The following THADA variants were observed in gnomAD, a reference collection of about 807,000 sequenced individuals.
THADA encodes tRNA (32-2'-O)-methyltransferase regulator THADA.
Under a neutral mutation model 219.8 loss-of-function variants are expected in THADA, and 213 were observed. That is an observed-to-expected ratio of 0.97 (90% confidence interval 0.87 to 1.09). The LOEUF is 1.09. THADA is among the 50% of genes least tolerant of loss of function. The pLI, the probability that THADA is intolerant of heterozygous loss-of-function variation, is 0.00. For synonymous variants in THADA, 1,018 were observed against 828.9 expected, an observed-to-expected ratio of 1.23 and a Z score of -3.92; for missense variants, 2,956 against 2,311.3, an observed-to-expected ratio of 1.28 and a Z score of -5.72.
chr2:43,412,522 T>A (rs981808112), intron 28 of THADA, among the ~76,000 whole-genome samples: 157 of 152,342 alleles, frequency 1.0e-3, no homozygotes, highest in African/African-American at 3.7e-3. Flanking sequence ...CTGGGTAAAC[T>A]GGTGGAATTT....
At chr2:43,467,984 T>C (rs771173220) in intron 26 of THADA, among the ~76,000 whole-genome samples, 7 of 152,244 alleles carry the variant, frequency 4.6e-5, no homozygotes, top group Non-Finnish European at 8.8e-5. Context: ...TTTGGTTTAT[T>C]GGTTAACTGT....
intron 25 of THADA, among the ~76,000 whole-genome samples, chr2:43,488,797 C>T (rs1000970846): frequency 7.2e-5 from 11 of 152,116 alleles, no homozygotes; most frequent in Admixed American, 1.3e-4. Flanking sequence ...AATGTATTAG[C>T]GTTCCAATTT....
intron 29 of THADA, among the ~76,000 whole-genome samples, chr2:43,347,047 C>T (rs1480354905): frequency 6.6e-6 from 1 of 152,096 alleles, no homozygotes; most frequent in Non-Finnish European, 1.5e-5. Context: ...AGCTGAATCA[C>T]GCCGTACTCC....
intron 29 of THADA, among the ~76,000 whole-genome samples, chr2:43,390,811 G>A (rs372478055): frequency 6.6e-6 from 1 of 152,150 alleles, no homozygotes; most frequent in African/African-American, 2.4e-5. Context: ...TGCCTGGCAC[G>A]TAGCTGGTGT....
chr2:43,277,376 G>A (rs894360593), intron 36 of THADA: 3 of 152,836 alleles, frequency 2.0e-5, no homozygotes, highest in African/African-American at 4.8e-5. Context: ...ATCAGCTCCC[G>A]GGTTCTCCCC....
At chr2:43,371,841 C>T (rs1267387824) in intron 29 of THADA, 1 of 151,120 alleles carries the variant, frequency 6.6e-6, no homozygotes, top group African/African-American at 2.5e-5. Context: ...TTTTCTGGTG[C>T]ACTAAAAAAA....
At chr2:43,354,345 A>G (rs1668637057) in intron 29 of THADA, among the ~76,000 whole-genome samples, 1 of 152,100 alleles carries the variant, frequency 6.6e-6, no homozygotes, top group African/African-American at 2.4e-5. Flanking sequence ...TGTACTGACC[A>G]TTTATCATTT....
intron 31 of THADA, among the ~76,000 whole-genome samples, chr2:43,295,647 T>C (rs1295052259): frequency 6.6e-6 from 1 of 152,244 alleles, no homozygotes; most frequent in Non-Finnish European, 1.5e-5. Flanking sequence ...ATTTATCATC[T>C]CATTATAACT....
intron 15 of THADA, among the ~76,000 whole-genome samples, chr2:43,561,203 A>C (rs928829827): frequency 8.5e-5 from 13 of 152,190 alleles, no homozygotes; most frequent in Non-Finnish European, 1.9e-4. Flanking sequence ...GGCTTCACTC[A>C]TCCCTATAAC....
intron 22 of THADA, among the ~76,000 whole-genome samples, chr2:43,521,249 C>CAGAT (rs1209651260): frequency 1.3e-5 from 2 of 151,402 alleles, no homozygotes; most frequent in Non-Finnish European, 3.0e-5. Context: ...GGCAGGCAGG[C>CAGAT]AGATGCACAA....
rs535099146 is a variant in THADA at position 43,260,381 on chromosome 2, G to A, written c.5296+19384C>T. On this transcript the variant is annotated intron_variant, in intron 36 of 37. Coordinates refer to ENST00000405975, the MANE Select transcript of THADA (RefSeq NM_022065.5). The stretch of plus-strand genomic sequence containing the variant: ...ATCTTTTTTCTTCTACAGAGTGCTC[G>A]GTTTTTATCTTTTGCCTCTTTTTCT... Among the ~76,000 whole-genome samples, 3 of 152,086 alleles carry A rather than the reference G, an allele frequency of 2.0e-5. No homozygotes were observed. In the East Asian group the frequency reaches 5.8e-4, roughly 29 times the overall value.
At chr2:43,359,420 C>T (rs368542905) in intron 29 of THADA, among the ~76,000 whole-genome samples, 23 of 152,204 alleles carry the variant, frequency 1.5e-4, no homozygotes, top group African/African-American at 4.1e-4. Flanking sequence ...TGGCTCATGC[C>T]GGTAATCCCA....
At chr2:43,490,724 C>A (rs571510434) in intron 25 of THADA, among the ~76,000 whole-genome samples, 1 of 152,120 alleles carries the variant, frequency 6.6e-6, no homozygotes, top group Admixed American at 6.5e-5. Context: ...TTATTATGGT[C>A]TATTGTTATA....
chr2:43,455,739 C>T (rs1682914126), intron 26 of THADA, among the ~76,000 whole-genome samples: 1 of 152,214 alleles, frequency 6.6e-6, no homozygotes, highest in South Asian at 2.1e-4. Flanking sequence ...TCCAAACACG[C>T]TTTCCACTAT....
At chr2:43,380,534 T>C (rs28791862) in intron 29 of THADA, among the ~76,000 whole-genome samples, 3 of 152,162 alleles carry the variant, frequency 2.0e-5, no homozygotes, top group African/African-American at 4.8e-5. Context: ...TGAACTCTTG[T>C]TTAGCTTAAA....
intron 30 of THADA, among the ~76,000 whole-genome samples, chr2:43,338,427 G>C (rs932536047): frequency 1.3e-5 from 2 of 152,074 alleles, no homozygotes; most frequent in African/African-American, 4.8e-5. Context: ...AAAGTGCTGC[G>C]ATAACAGCTC....
chr2:43,590,634 G>C (rs1013029841), intron 4 of THADA, among the ~76,000 whole-genome samples, 190 bp downstream of exon 4: 1 of 127,000 alleles, frequency 7.9e-6, no homozygotes, highest in Non-Finnish European at 1.6e-5. Flanking sequence ...GACAGAGCTA[G>C]ACTCCGTCTC....
chr2:43,322,809 C>T (rs1173287537), intron 30 of THADA, among the ~76,000 whole-genome samples: 5 of 150,234 alleles, frequency 3.3e-5, no homozygotes, highest in East Asian at 2.0e-4. Flanking sequence ...CCTCAGCCTC[C>T]GGAGTAGCTG....
chr2:43,444,332 T>C (rs559753423), intron 26 of THADA, among the ~76,000 whole-genome samples: 1 of 152,320 alleles, frequency 6.6e-6, no homozygotes, highest in East Asian at 1.9e-4. Flanking sequence ...TGTGTGAACA[T>C]TTGTCTGGCC....
Sources: gnomAD v4.1 joint callset for allele counts (sites outside exome capture counted in the v4.1 genomes callset) on GRCh38, gnomAD v4.1.1 for gene constraint, MANE v1.5 for transcripts, NCBI Gene and HGNC (gene_info 2026-07-23, HGNC 2026-07-21) for gene names.